Variants in ZC3H18 observed in about 807,000 individuals in gnomAD.
ZC3H18 encodes zinc finger CCCH-type containing 18.
A neutral mutation model predicts 106.1 loss-of-function variants in ZC3H18; 8 were observed. The observed-to-expected ratio is 0.08, with a 90% CI of 0.04 to 0.14. ZC3H18 has a LOEUF of 0.14. Among genes scored for constraint, ZC3H18 ranks in the 10% least tolerant of loss-of-function variants. The probability of loss-of-function intolerance (pLI) is 1.00; values close to 1 mark genes in which losing one functional copy is unlikely to be tolerated. For synonymous variants in ZC3H18, 635 were observed against 522.1 expected, an observed-to-expected ratio of 1.22 and a Z score of -2.95; for missense variants, 1,318 against 1,278.4, an observed-to-expected ratio of 1.03 and a Z score of -0.47.
chr16:88,627,453 G>T lies in ZC3H18; in HGVS notation c.2109-169G>T. 1.2e-6 allele frequency: 1 copy of T among 853,110 alleles called. No homozygotes were observed. Among genetic ancestry groups the T allele is most frequent in the Non-Finnish European group, 1.7e-6 (1 of 575,350 alleles). 52.8% of individuals were successfully genotyped at this position (853,110 alleles called of 1,614,324 possible). On this transcript the variant is annotated intron_variant, in intron 13 of 17. Transcript: ENST00000301011. This position sits in a 1 kb window ranked among gnomAD's most constrained non-coding sequence, Gnocchi z 4.5. ...GGGGCCCTGGCCTAGCCATGGGGAC[G>T]TCCCTTACTTTGTAACCCTGAAACT...
At position 88,617,923 on chromosome 16, in the gene ZC3H18, G is replaced by C. The variant is rs368791678; in HGVS notation, c.1476-4274G>C. On this transcript the variant is annotated intron_variant, in intron 8 of 17. Coordinates refer to ENST00000301011, the MANE Select transcript of ZC3H18 (RefSeq NM_144604.4). ...AGTCTCAAGATCTCTGCTGGGAGTG[G>C]GCCAGGCTACACAGTCTTCTTCAGA... 5.3e-5 allele frequency among the ~76,000 whole-genome samples: 8 copies of C among 152,358 alleles called. No homozygotes were observed. In the East Asian group the frequency reaches 1.2e-3, roughly 22 times the overall value.
intron 8 of ZC3H18, among the ~76,000 whole-genome samples, chr16:88,620,286 G>C (rs1253155234): frequency 6.6e-6 from 1 of 152,250 alleles, no homozygotes; most frequent in Non-Finnish European, 1.5e-5. Flanking sequence ...AACTAAAACA[G>C]CTTTTTAAAA....
At chr16:88,596,637 G>T (rs1024969913) in intron 3 of ZC3H18, among the ~76,000 whole-genome samples, 1 of 152,076 alleles carries the variant, frequency 6.6e-6, no homozygotes, top group Non-Finnish European at 1.5e-5. Flanking sequence ...CTCAGTCAGA[G>T]TGAGACTCCA....
At chr16:88,606,125 GC>G (rs1162629010) in intron 6 of ZC3H18, among the ~76,000 whole-genome samples, 1 of 152,248 alleles carries the variant, frequency 6.6e-6, no homozygotes, top group African/African-American at 2.4e-5. Flanking sequence ...TTCTCAAAAG[GC>G]CCATTAACAT....
intron 13 of ZC3H18, chr16:88,625,654 G>C (rs879284840): frequency 4.3e-5 from 9 of 211,558 alleles, no homozygotes; most frequent in Non-Finnish European, 7.7e-5. Flanking sequence ...CGAGGGAACC[G>C]GCCTGAGGGG....
Position 88,580,185 on chromosome 16 carries a change from T to A in ZC3H18, c.603+2459T>A, listed in dbSNP as rs941557874. ...GTGTGTGTGTGTGTGTGTGTGTGTG[T>A]GTGTGTGTGTGTGTGTGTGTGTGTA... On this transcript the variant is annotated intron_variant, in intron 2 of 17. Coordinates refer to ENST00000301011, the MANE Select transcript of ZC3H18 (RefSeq NM_144604.4). Among the ~76,000 whole-genome samples the A allele has an allele frequency of 4.3e-4, 32 of 73,602 alleles. No homozygotes were observed. In the East Asian group the frequency reaches 0.01, roughly 24 times the overall value. The allele number at this position is 73,602 out of a possible 152,430, so 48.3% of individuals were successfully genotyped here.
chr16:88,575,046 GTCTCGA>G (rs970066036), intron 1 of ZC3H18, among the ~76,000 whole-genome samples: 7 of 148,886 alleles, frequency 4.7e-5, no homozygotes, highest in Non-Finnish European at 1.0e-4. Context: ...AGCCAGGATG[GTCTCGA>G]TCTCCTGACC....
At position 88,628,836 on chromosome 16, in the gene ZC3H18, A is replaced by T; in HGVS notation, c.2548A>T (p.Asn850Tyr). The T allele has an allele frequency of 6.2e-7, 1 of 1,614,056 alleles. No homozygotes were observed. Among genetic ancestry groups the T allele is most frequent in the Non-Finnish European group, 8.5e-7 (1 of 1,179,972 alleles). ...GAGCCCTCCTCCAGCCAAGCGGCCC[A>T]ACACATCCCCAGACCGAGGTGAGCC... ...RQSPPPAKRP[N>Y]TSPDRGSRDR... Residue 850 changes from asparagine to tyrosine, a missense_variant, in exon 16 of 18, where the codon AAC (asparagine) becomes TAC (tyrosine). Coordinates refer to ENST00000301011, the MANE Select transcript of ZC3H18 (RefSeq NM_144604.4).
chr16:88,620,599 A>AAGC (rs1364232384), intron 8 of ZC3H18, among the ~76,000 whole-genome samples: 1 of 151,724 alleles, frequency 6.6e-6, no homozygotes, highest in Non-Finnish European at 1.5e-5. Flanking sequence ...AAAAAAAAAA[A>AAGC]AGCCACGTTC....
At chr16:88,619,457 G>T (rs1037374678) in intron 8 of ZC3H18, among the ~76,000 whole-genome samples, 6 of 152,084 alleles carry the variant, frequency 3.9e-5, no homozygotes, top group African/African-American at 1.4e-4. Context: ...GTGCAGTGAC[G>T]AGATGGTGCA....
In ZC3H18 at chr16:88,627,408, C is replaced by T; in HGVS notation, c.2109-214C>T. The T allele has an allele frequency of 1.8e-6, 1 of 542,346 alleles. No individual in the cohort carries two copies. Among genetic ancestry groups the T allele is most frequent in the Non-Finnish European group, 3.1e-6 (1 of 318,742 alleles). 33.6% of individuals were successfully genotyped at this position (542,346 alleles called of 1,614,324 possible). A position where few individuals can be genotyped will look rare whatever the true frequency, so the allele number is the denominator to read the frequency against. ...GTGAGCAGCCGTGCCTGGCTGCAAC[C>T]TGACATTGATTAGTGAAATGGGGCC... On this transcript the variant is annotated intron_variant, in intron 13 of 17. Coordinates refer to ENST00000301011, the MANE Select transcript of ZC3H18 (RefSeq NM_144604.4). This position sits in a 1 kb window ranked among gnomAD's most constrained non-coding sequence, Gnocchi z 4.5.
intron 2 of ZC3H18, among the ~76,000 whole-genome samples, chr16:88,579,610 A>G (rs1175989539): frequency 6.6e-6 from 1 of 152,158 alleles, no homozygotes; most frequent in African/African-American, 2.4e-5. Flanking sequence ...GGGCCTGGAC[A>G]TGCTGGTTTC....
chr16:88,592,564 T>A (rs1395485092), intron 3 of ZC3H18, among the ~76,000 whole-genome samples: 1 of 152,162 alleles, frequency 6.6e-6, no homozygotes, highest in African/African-American at 2.4e-5. Context: ...AACCTCCACC[T>A]CCCGGGTTCA....
chr16:88,589,454 A>G (rs1450996477), intron 3 of ZC3H18, among the ~76,000 whole-genome samples: 1 of 152,290 alleles, frequency 6.6e-6, no homozygotes, highest in Non-Finnish European at 1.5e-5. Context: ...TGGCCTGTCC[A>G]TGCAGTGGAA....
intron 11 of ZC3H18, 107 bp from the exon 12 acceptor site, chr16:88,624,495 C>A: frequency 6.5e-7 from 1 of 1,547,690 alleles, no homozygotes; most frequent in South Asian, 1.1e-5. Context: ...CCGAGCGTCA[C>A]AGGCATGCAG....
rs778507487 is a variant in ZC3H18, at chr16:88,608,964, C to A, written c.1119C>A (p.Asp373Glu). 1 of 1,613,902 alleles carries A rather than the reference C, an allele frequency of 6.2e-7. No individual in the cohort carries two copies. Among genetic ancestry groups the A allele is most frequent in the Non-Finnish European group, 8.5e-7 (1 of 1,179,876 alleles). ...AGCCTTACGCAGACCCTTATTATGA[C>A]TATGAAATTGAGCGGTTTTGGCGTG... is the stretch of plus-strand genomic sequence containing the variant. ...VLEPYADPYY[D>E]YEIERFWRGG... Residue 373 changes from aspartate (D) to glutamate (E), a missense_variant, in exon 7 of 18, where the codon GAC becomes GAA. Asp to Glu is a conservative substitution (Grantham distance 45). This residue lies in a region of ZC3H18 where 848 missense variants were observed against 821.7 expected (regional missense o/e 1.03). Transcript: ENST00000301011.
chr16:88,598,084 T>C, intron 3 of ZC3H18, 94 bp from the exon 4 acceptor site: 1 of 475,402 alleles, frequency 2.1e-6, no homozygotes, highest in Admixed American at 2.8e-5. Flanking sequence ...TGGGTAAACA[T>C]GGCCTCTGCC....
intron 3 of ZC3H18, among the ~76,000 whole-genome samples, chr16:88,593,466 G>C (rs753770256): frequency 6.6e-6 from 1 of 152,208 alleles, no homozygotes. Flanking sequence ...TAAAACTTAG[G>C]AATTATTTTT....
intron 2 of ZC3H18, among the ~76,000 whole-genome samples, chr16:88,584,653 T>G (rs1406763351): frequency 6.6e-6 from 1 of 152,214 alleles, no homozygotes; most frequent in Non-Finnish European, 1.5e-5. Flanking sequence ...GGTGCTAGTC[T>G]GTGTTCTTTG....
Sources: gnomAD v4.1 joint callset for allele counts (sites outside exome capture counted in the v4.1 genomes callset) on GRCh38, gnomAD v4.1.1 for gene constraint, gnomAD v4.1.1 regional missense constraint, Gnocchi (gnomAD v3.1) non-coding constraint, MANE v1.5 for transcripts, NCBI Gene and HGNC (gene_info 2026-07-23, HGNC 2026-07-21) for gene names.